Variants in UTRN observed in about 807,000 individuals in gnomAD.
UTRN encodes utrophin.
In UTRN, 283 loss-of-function variants were observed where a neutral mutation model predicts 463.9. That is an observed-to-expected ratio of 0.61 (90% confidence interval 0.55 to 0.67). The LOEUF (loss-of-function observed/expected upper bound fraction) is 0.67, where lower values mean the gene tolerates loss of function less well. Ranked by LOEUF, UTRN falls within the 30% of genes least tolerant of loss-of-function variation. UTRN has a pLI of 0.00. For missense variants in UTRN, 3,922 were observed against 4,084.3 expected (o/e 0.96, Z 1.08); for synonymous variants, 1,442 against 1,431.5 (o/e 1.01, Z -0.17).
chr6:144,433,720 G>T (rs1260421440), intron 9 of UTRN, among the ~76,000 whole-genome samples: 1 of 151,736 alleles, frequency 6.6e-6, no homozygotes, highest in Non-Finnish European at 1.5e-5. Flanking sequence ...GCGGGGCAGA[G>T]GCGCTCCCCA....
intron 51 of UTRN, among the ~76,000 whole-genome samples, chr6:144,658,060 T>TG (rs1422097955): frequency 6.6e-6 from 1 of 152,208 alleles, no homozygotes; most frequent in Non-Finnish European, 1.5e-5. Context: ...ACAGTTCTGA[T>TG]GGTTGGTCTT....
intron 51 of UTRN, among the ~76,000 whole-genome samples, chr6:144,590,472 C>T (rs1585429533): frequency 6.6e-6 from 1 of 152,080 alleles, no homozygotes; most frequent in East Asian, 1.9e-4. Flanking sequence ...TAATAGCTCC[C>T]TAAGAAAGAA....
Position 144,797,723 on chromosome 6 carries a change from C to A in UTRN, c.9079-101C>A, listed in dbSNP as rs1586616580. The A allele has an allele frequency of 1.6e-5, 19 of 1,200,108 alleles. No individual in the cohort carries two copies. The East Asian group carries it at 4.8e-4, about 30-fold the overall frequency. The allele number at this position is 1,200,108 out of a possible 1,614,324, so 74.3% of individuals were successfully genotyped here. The stretch of plus-strand genomic sequence containing the variant: ...TGACATGGAAAGAGTTATATAGTTT[C>A]CTCTTCTGCACAAATTTTCAGAAGA... On this transcript the variant is annotated intron_variant, in intron 63 of 74. Transcript: ENST00000367545.
intron 48 of UTRN, 109 bp downstream of exon 48, chr6:144,551,191 C>T: frequency 1.5e-6 from 1 of 679,234 alleles, no homozygotes; most frequent in South Asian, 2.5e-5. Context: ...AAAGATTATT[C>T]AACTAGAAAG....
At chr6:144,678,042 G>A (rs568232161) in intron 51 of UTRN, among the ~76,000 whole-genome samples, 1 of 152,224 alleles carries the variant, frequency 6.6e-6, no homozygotes, top group African/African-American at 2.4e-5. Flanking sequence ...CTCCCATTCT[G>A]TAGGTTGCCT....
intron 66 of UTRN, among the ~76,000 whole-genome samples, chr6:144,826,214 A>C (rs1182201739): frequency 6.6e-6 from 1 of 150,956 alleles, no homozygotes; most frequent in African/African-American, 2.4e-5. Flanking sequence ...ATAGATCTGA[A>C]GAGTCTTAGT....
At chr6:144,577,005 G>T (rs1801500989) in intron 50 of UTRN, 94 bp from the exon 51 acceptor site, 3 of 1,230,214 alleles carry the variant, frequency 2.4e-6, no homozygotes, top group Non-Finnish European at 2.3e-6. Flanking sequence ...GTCCTTTGGG[G>T]GCTGCCTGTT....
chr6:144,420,649 A>G (rs1230537717), intron 3 of UTRN, among the ~76,000 whole-genome samples: 1 of 152,250 alleles, frequency 6.6e-6, no homozygotes, highest in Non-Finnish European at 1.5e-5. Context: ...ACTAGTTTTA[A>G]GCACAAAAAG....
intron 52 of UTRN, among the ~76,000 whole-genome samples, chr6:144,681,052 C>T (rs192563713): frequency 3.4e-4 from 52 of 152,172 alleles, no homozygotes; most frequent in African/African-American, 1.1e-3. Context: ...GAGGATGCCT[C>T]GGATGAGCCT....
Position 144,537,697 on chromosome 6 carries a change from G to A in UTRN, c.6349G>A (p.Glu2117Lys). ...MQKRSTTELG[E>K]NLQELRDLTQ... Reference sequence around the variant, plus strand: ...AAAGAGATCAACCACCGAATTGGGAGAAAACCTGCAAGAATTAAGAGTAAG... The same window carrying A: ...AAAGAGATCAACCACCGAATTGGGAAAAAACCTGCAAGAATTAAGAGTAAG... Residue 2117 changes from glutamate (E) to lysine (K), a missense_variant, in exon 44 of 75, where the codon GAA becomes AAA. Physicochemically the swap from Glu to Lys is moderately conservative, Grantham distance 56. Coordinates refer to ENST00000367545, the MANE Select transcript of UTRN (RefSeq NM_007124.3). 6.2e-7 allele frequency: 1 copy of A among 1,610,618 alleles called. No homozygotes were observed. Among genetic ancestry groups the A allele is most frequent in the Non-Finnish European group, 8.5e-7 (1 of 1,178,626 alleles).
At chr6:144,820,348 A>G (rs1779489843) in intron 65 of UTRN, among the ~76,000 whole-genome samples, 1 of 152,228 alleles carries the variant, frequency 6.6e-6, no homozygotes. Flanking sequence ...CTTCCCAAAC[A>G]GAGCACCAAT....
At chr6:144,358,984 T>C (rs1214772541) in intron 2 of UTRN, among the ~76,000 whole-genome samples, 2 of 152,228 alleles carry the variant, frequency 1.3e-5, no homozygotes. Context: ...CATTTTCCAT[T>C]TTTTTCTGTT....
At chr6:144,824,616 T>TC (rs1779988871) in intron 66 of UTRN, among the ~76,000 whole-genome samples, 1 of 65,972 alleles carries the variant, frequency 1.5e-5, no homozygotes, top group African/African-American at 6.8e-5. Context: ...ATATATATCT[T>TC]TTTTTTTTTT....
intron 52 of UTRN, among the ~76,000 whole-genome samples, chr6:144,685,097 T>C (rs1301087446): frequency 1.3e-5 from 2 of 152,214 alleles, no homozygotes; most frequent in African/African-American, 2.4e-5. Flanking sequence ...TACCCATAGC[T>C]TATCTCCCAC....
At chr6:144,789,144 T>C (rs6904626) in intron 61 of UTRN, 50 bp from the exon 62 acceptor site, 27,159 of 1,393,944 alleles carry the variant, frequency 0.019, 1,165 homozygotes, top group African/African-American at 0.17. Flanking sequence ...ATGAACATGC[T>C]GTATATGGTT....
At chr6:144,635,355 T>C (rs1005757036) in intron 51 of UTRN, among the ~76,000 whole-genome samples, 3 of 151,570 alleles carry the variant, frequency 2.0e-5, no homozygotes, top group Non-Finnish European at 4.4e-5. Context: ...TTCGCCACAT[T>C]ACCAAGGCTG....
At chr6:144,735,981 T>C (rs777646363) in intron 54 of UTRN, among the ~76,000 whole-genome samples, 2 of 152,146 alleles carry the variant, frequency 1.3e-5, no homozygotes, top group Non-Finnish European at 2.9e-5. Context: ...TTAAGCTCCA[T>C]GTTTTTAATA....
In UTRN at chr6:144,523,066, T is replaced by C; in HGVS notation, c.5784T>C (p.His1928=). The C allele has an allele frequency of 6.2e-7, 1 of 1,613,310 alleles. No individual in the cohort carries two copies. The highest frequency in any genetic ancestry group is 8.5e-7 in the Non-Finnish European group (1 of 1,179,710). Reference sequence around the variant, plus strand: ...TTGGAGAGCAGATTGCAGTCATTCATGAAAAACAGCCAGATGTCATCCTTG... The same window carrying C: ...TTGGAGAGCAGATTGCAGTCATTCACGAAAAACAGCCAGATGTCATCCTTG... ...DKLGEQIAVI[H]EKQPDVILEA... is the part of the protein sequence containing the mutation. Residue 1928 remains histidine (H), a synonymous_variant, in exon 41 of 75, where the codon CAT becomes CAC. Transcript: ENST00000367545.
chr6:144,341,560 C>G (rs1429133329), intron 2 of UTRN, among the ~76,000 whole-genome samples: 1 of 152,190 alleles, frequency 6.6e-6, no homozygotes, highest in African/African-American at 2.4e-5. Context: ...TTTAACTTGT[C>G]TTCCTTGGCT....
Sources: gnomAD v4.1 joint callset for allele counts (sites outside exome capture counted in the v4.1 genomes callset) on GRCh38, gnomAD v4.1.1 for gene constraint, MANE v1.5 for transcripts, NCBI Gene and HGNC (gene_info 2026-07-23, HGNC 2026-07-21) for gene names.